The following GANC variants were observed in gnomAD, a reference collection of about 807,000 sequenced individuals.
The protein encoded by GANC is glucosidase alpha, neutral C.
In GANC, 117 loss-of-function variants were observed where a neutral mutation model predicts 124.2. That is an observed-to-expected ratio of 0.94 (90% CI 0.81 to 1.10). The LOEUF is 1.10. Among genes scored for constraint, GANC ranks in the 50% least tolerant of loss-of-function variants. The probability of loss-of-function intolerance (pLI) is 0.00; values close to 1 mark genes in which losing one functional copy is unlikely to be tolerated. For missense variants in GANC, 1,140 were observed against 1,095.0 expected, an observed-to-expected ratio of 1.04 and a Z score of -0.58; for synonymous variants, 377 against 376.8, an observed-to-expected ratio of 1.00 and a Z score of -0.01.
intron 23 of GANC, 34 bp from the exon 24 acceptor site, chr15:42,351,996 C>T: frequency 6.2e-7 from 1 of 1,612,262 alleles, no homozygotes; most frequent in Non-Finnish European, 8.5e-7. Context: ...AGAGATTCAT[C>T]AAAATTTCCC....
In GANC at chr15:42,340,046, A is replaced by G. The variant is rs114073635; in HGVS notation, c.2087+134A>G. ...AAGCTACATGTTTAATCAAGTTTCA[A>G]TAAGCTTATTGAGCAGCGCGGTGAA... On this transcript the variant is annotated intron_variant, in intron 17 of 23. Coordinates refer to ENST00000318010, the MANE Select transcript of GANC (RefSeq NM_198141.3). 2.2e-3 allele frequency: 2,732 copies of G among 1,247,428 alleles called. 55 individuals are homozygous for G. The African/African-American group carries it at 0.036, about 17-fold the overall frequency. The allele number at this position is 1,247,428 out of a possible 1,614,324, so 77.3% of individuals were successfully genotyped here.
chr15:42,347,010 A>G (rs1413799457), intron 20 of GANC, among the ~76,000 whole-genome samples: 1 of 152,172 alleles, frequency 6.6e-6, no homozygotes, highest in Non-Finnish European at 1.5e-5. Flanking sequence ...ATCTACTCTA[A>G]TCCCTCACAC....
chr15:42,329,632 T>G (rs1432394728), intron 14 of GANC, 183 bp downstream of exon 14: 5 of 464,926 alleles, frequency 1.1e-5, no homozygotes, highest in South Asian at 5.6e-5. Context: ...TCCCTTTGCT[T>G]CTTTTCTTTT....
At chr15:42,279,511 C>T (rs371027936) in intron 3 of GANC, among the ~76,000 whole-genome samples, 28 of 152,324 alleles carry the variant, frequency 1.8e-4, no homozygotes, top group South Asian at 6.2e-4. Flanking sequence ...GGAAGTATAT[C>T]TTAAGTGCTT....
At chr15:42,332,886 C>T (rs986272409) in intron 15 of GANC, among the ~76,000 whole-genome samples, 9 of 148,832 alleles carry the variant, frequency 6.0e-5, no homozygotes, top group South Asian at 4.2e-4. Flanking sequence ...TGCGTGGTAG[C>T]GCGCACCTGT....
intron 3 of GANC, among the ~76,000 whole-genome samples, chr15:42,279,831 A>C (rs1159355910): frequency 6.6e-6 from 1 of 152,200 alleles, no homozygotes; most frequent in African/African-American, 2.4e-5. Context: ...CGTTCGTGGC[A>C]AAGCTGTGAA....
chr15:42,331,957 C>T (rs2052249306), intron 15 of GANC, among the ~76,000 whole-genome samples: 1 of 151,974 alleles, frequency 6.6e-6, no homozygotes, highest in Non-Finnish European at 1.5e-5. Context: ...TACATATTTT[C>T]AGGATATGTG....
intron 2 of GANC, chr15:42,278,084 G>A: frequency 2.8e-6 from 1 of 358,120 alleles, no homozygotes; most frequent in Non-Finnish European, 5.9e-6. Context: ...TACAGTGAAT[G>A]CCTGGTAACC....
chr15:42,296,014 T>C (rs1408050810), intron 5 of GANC, among the ~76,000 whole-genome samples: 1 of 151,954 alleles, frequency 6.6e-6, no homozygotes, highest in Non-Finnish European at 1.5e-5. Context: ...CATGGTGGCA[T>C]GTGCCTGTCG....
chr15:42,317,005 A>C (rs1003085461), intron 10 of GANC, among the ~76,000 whole-genome samples: 2 of 152,246 alleles, frequency 1.3e-5, no homozygotes, highest in African/African-American at 4.8e-5. Context: ...CTAATGATTG[A>C]TAATTGTCCA....
At chr15:42,344,880 T>G (rs112541680) in intron 19 of GANC, 1 of 152,120 alleles carries the variant, frequency 6.6e-6, no homozygotes, top group Non-Finnish European at 1.5e-5. Context: ...AGAGTTTTAT[T>G]CGTGATCTAT....
At position 42,326,286 on chromosome 15, in the gene GANC, A is replaced by G. The variant is rs772412095; in HGVS notation, c.1294-12A>G. 1.9e-6 allele frequency: 3 copies of G among 1,585,908 alleles called. No homozygotes were observed. Among genetic ancestry groups the G allele is most frequent in the Non-Finnish European group, 2.6e-6 (3 of 1,155,046 alleles). On this transcript the variant is annotated splice_polypyrimidine_tract_variant and intron_variant, in intron 11 of 23. Transcript: ENST00000318010. Reference sequence around the variant, plus strand: ...AAACTGATGAGACCTCCAAACCTTCATGTCCTGACAGCTTGTGGTCATCAG... The same window carrying G: ...AAACTGATGAGACCTCCAAACCTTCGTGTCCTGACAGCTTGTGGTCATCAG...
intron 10 of GANC, among the ~76,000 whole-genome samples, chr15:42,315,774 G>A (rs2141050896): frequency 6.6e-6 from 1 of 152,176 alleles, no homozygotes; most frequent in East Asian, 1.9e-4. Flanking sequence ...ATGAGAGTGG[G>A]CCTCATCCAG....
intron 5 of GANC, among the ~76,000 whole-genome samples, chr15:42,297,396 C>G (rs927838279): frequency 6.6e-6 from 1 of 152,114 alleles, no homozygotes; most frequent in Non-Finnish European, 1.5e-5. Flanking sequence ...CTCCTGGGCT[C>G]AAGTGACCCT....
At position 42,308,289 on chromosome 15, in the gene GANC, T is replaced by C; in HGVS notation, c.693T>C (p.His231=). The C allele has an allele frequency of 1.2e-6, 2 of 1,609,286 alleles. No individual in the cohort carries two copies. Among genetic ancestry groups the C allele is most frequent in the South Asian group, 1.1e-5 (1 of 90,594 alleles). The change falls in exon 8 of 24, where the codon CAT becomes CAC. Residue 231 remains histidine (H), a synonymous_variant. Coordinates refer to ENST00000318010, the MANE Select transcript of GANC (RefSeq NM_198141.3). ...AGCATCTTTATGGGATCCCACAACA[T>C]GCAGAATCACACCAACTTAAAAATA... The part of the protein sequence containing the change: ...GFEHLYGIPQ[H]AESHQLKNTG...
chr15:42,343,811 A>AAGGGCC (rs2052344756), intron 19 of GANC, among the ~76,000 whole-genome samples: 2 of 152,140 alleles, frequency 1.3e-5, no homozygotes, highest in East Asian at 3.9e-4. Flanking sequence ...ATAAATCCAG[A>AAGGGCC]AGGGCCAGGA....
intron 3 of GANC, chr15:42,284,321 G>GA (rs1170398710): frequency 6.6e-6 from 2 of 304,250 alleles, no homozygotes; most frequent in African/African-American, 4.3e-5. Flanking sequence ...CACTATGCTT[G>GA]AAGACATAGA....
At chr15:42,346,713 T>C (rs532159338) in intron 20 of GANC, among the ~76,000 whole-genome samples, 2 of 152,194 alleles carry the variant, frequency 1.3e-5, no homozygotes, top group Admixed American at 1.3e-4. Flanking sequence ...TCTACAGGAT[T>C]AAGGCAAAAA....
chr15:42,296,858 T>A (rs1283416793), intron 5 of GANC, among the ~76,000 whole-genome samples: 1 of 151,434 alleles, frequency 6.6e-6, no homozygotes, highest in Non-Finnish European at 1.5e-5. Flanking sequence ...TCCTTTTTTT[T>A]TTTTTTTGGA....
Sources: allele counts gnomAD v4.1 joint callset (sites outside exome capture counted in the v4.1 genomes callset), GRCh38; gene constraint gnomAD v4.1.1; transcripts MANE v1.5; gene names NCBI Gene and HGNC (gene_info 2026-07-23, HGNC 2026-07-21).